TMTC4: variants seen among roughly 807,000 people sequenced by gnomAD.
The protein encoded by TMTC4 is transmembrane O-mannosyltransferase targeting cadherins 4.
In TMTC4, 65 loss-of-function variants were observed where a neutral mutation model predicts 86.0. That is an observed-to-expected ratio of 0.76 (90% CI 0.62 to 0.93). The LOEUF (loss-of-function observed/expected upper bound fraction) is 0.93. TMTC4 is among the 40% of genes least tolerant of loss of function. The probability of loss-of-function intolerance (pLI) is 0.00; values close to 1 mark genes in which losing one functional copy is unlikely to be tolerated. For missense variants in TMTC4, 866 were observed against 948.1 expected, an observed-to-expected ratio of 0.91 and a Z score of 1.14; for synonymous variants, 379 against 382.5, an observed-to-expected ratio of 0.99 and a Z score of 0.11.
intron 6 of TMTC4, among the ~76,000 whole-genome samples, chr13:100,646,264 G>T (rs1883728788): frequency 6.6e-6 from 1 of 152,172 alleles, no homozygotes. Flanking sequence ...ACTAAAAATT[G>T]TTCTGACTAA....
intron 11 of TMTC4, 21 bp from the exon 12 acceptor site, chr13:100,634,957 G>GT: frequency 6.2e-7 from 1 of 1,612,900 alleles, no homozygotes; most frequent in Non-Finnish European, 8.5e-7. Flanking sequence ...GAAAGACATG[G>GT]TAATTGTCAC....
intron 12 of TMTC4, among the ~76,000 whole-genome samples, chr13:100,633,202 G>A (rs1211238947): frequency 1.3e-5 from 2 of 151,092 alleles, no homozygotes; most frequent in Non-Finnish European, 2.9e-5. Context: ...CTAGCTACTC[G>A]GGAGGCTGAG....
Position 100,670,506 on chromosome 13 carries a change from GAATACTGC to G in TMTC4, c.-152_-145del, listed in dbSNP as rs1245812926. 75 of 685,986 alleles carry G rather than the reference GAATACTGC, an allele frequency of 1.1e-4. 1 individual carries two copies. In the South Asian group the frequency reaches 1.4e-3, roughly 13 times the overall value. 42.5% of individuals were successfully genotyped at this position (685,986 alleles called of 1,614,324 possible). On this transcript the variant is annotated 5_prime_UTR_variant, in exon 2 of 19. Coordinates refer to ENST00000342624, the MANE Select transcript of TMTC4 (RefSeq NM_032813.5). ...GGCATGCTCTCAGCAAGTGCTGGGGGAATACTGCAGCTACTTTTCTTTTCCAGTCAAAG... is the reference window on the plus strand; with the variant it reads ...GGCATGCTCTCAGCAAGTGCTGGGGGAGCTACTTTTCTTTTCCAGTCAAAG...
At chr13:100,660,323 T>C (rs1885610472) in intron 5 of TMTC4, among the ~76,000 whole-genome samples, 1 of 122,288 alleles carries the variant, frequency 8.2e-6, no homozygotes, top group Non-Finnish European at 1.7e-5. Context: ...AGAGTGAGAC[T>C]GTGTATCAAA....
chr13:100,626,119 T>A lies in TMTC4; in HGVS notation c.1538A>T (p.Asp513Val). The change falls in exon 13 of 19, where the codon GAT (aspartate) becomes GTT (valine). Residue 513 changes from aspartate to valine, a missense_variant. Physicochemically the swap from Asp to Val is radical, Grantham distance 152. Coordinates refer to ENST00000342624, the MANE Select transcript of TMTC4 (RefSeq NM_032813.5). Reference sequence around the variant, plus strand: ...GATGGCAGCTGTCTGGTTGCCTTTATCAGCCAGGTTTTTGCCAATGTTGTA... The same window carrying A: ...GATGGCAGCTGTCTGGTTGCCTTTAACAGCCAGGTTTTTGCCAATGTTGTA... Reference protein sequence around the residue: ...VHYNIGKNLADKGNQTAAIRY... With the variant: ...VHYNIGKNLAVKGNQTAAIRY... 1 of 1,614,234 alleles carries A rather than the reference T, an allele frequency of 6.2e-7. No individual in the cohort carries two copies. Among genetic ancestry groups the A allele is most frequent in the Non-Finnish European group, 8.5e-7 (1 of 1,180,044 alleles).
intron 6 of TMTC4, among the ~76,000 whole-genome samples, chr13:100,645,565 C>T (rs1385838814): frequency 2.0e-5 from 3 of 150,562 alleles, no homozygotes; most frequent in African/African-American, 7.4e-5. Flanking sequence ...AGGTGAGCCC[C>T]GTGCACCTCT....
chr13:100,621,638 G>A (rs991101560), intron 15 of TMTC4, among the ~76,000 whole-genome samples: 58 of 152,134 alleles, frequency 3.8e-4, no homozygotes, highest in Admixed American at 6.5e-5. Flanking sequence ...TGTTAGCCAG[G>A]ATGGTCTCGA....
At chr13:100,619,328 GACACACAC>G (rs34662519) in intron 15 of TMTC4, among the ~76,000 whole-genome samples, 6,990 of 145,918 alleles carry the variant, frequency 0.048, 168 homozygotes, top group East Asian at 0.065. Flanking sequence ...AATAAAAGCA[GACACACAC>G]ACACACACAC....
rs78352970 is a variant in TMTC4, at chr13:100,621,030, C to T, written c.1836+4505G>A. Among the ~76,000 whole-genome samples, 548 of 152,304 alleles carry T rather than the reference C, an allele frequency of 3.6e-3. 4 individuals carry two copies. The highest frequency in any genetic ancestry group is 0.013 in the African/African-American group (525 of 41,566). On this transcript the variant is annotated intron_variant, in intron 15 of 18. Coordinates refer to ENST00000342624, the MANE Select transcript of TMTC4 (RefSeq NM_032813.5). Reference sequence around the variant, plus strand: ...CAGGAACAGTTGGCGGAATGGAATACAGGAAGACCATTTCACGGCAGTGTA... The same window carrying T: ...CAGGAACAGTTGGCGGAATGGAATATAGGAAGACCATTTCACGGCAGTGTA...
intron 1 of TMTC4, among the ~76,000 whole-genome samples, chr13:100,673,100 G>C (rs745351455): frequency 6.6e-6 from 1 of 152,168 alleles, no homozygotes; most frequent in Non-Finnish European, 1.5e-5. Context: ...CTGGAACAAA[G>C]CAGACGTCCC....
At position 100,663,148 on chromosome 13, in the gene TMTC4, G is replaced by C. The variant is rs1350924448; in HGVS notation, c.368C>G (p.Pro123Arg). Residue 123 changes from proline to arginine, a missense_variant, in exon 5 of 19, where the codon CCC becomes CGC. Physicochemically the swap from Pro to Arg is moderately radical, Grantham distance 103. Coordinates refer to ENST00000342624, the MANE Select transcript of TMTC4 (RefSeq NM_032813.5). ...INYYLSGGFH[P>R]VGFHVVNILL... ...GATGTTGACCACGTGAAAGCCCACG[G>C]GGTGGAAGCCTCCCGAGAGGTAGTA... 6.2e-7 allele frequency: 1 copy of C among 1,614,234 alleles called. No individual in the cohort carries two copies. Among genetic ancestry groups the C allele is most frequent in the Non-Finnish European group, 8.5e-7 (1 of 1,180,044 alleles).
chr13:100,674,760 C>A lies in TMTC4; in HGVS notation c.-224G>T, dbSNP rs1411029003. The A allele has an allele frequency of 1.0e-6, 1 of 983,822 alleles. No individual in the cohort carries two copies. Among genetic ancestry groups the A allele is most frequent in the Admixed American group, 6.2e-5 (1 of 16,122 alleles). 60.9% of individuals were successfully genotyped at this position (983,822 alleles called of 1,614,324 possible). Reference sequence around the variant, plus strand: ...GCGCGTTACCTGCAAGGAGCCTGAGCCCCGGCCGCATCTCCCTCCCGGGTG... The same window carrying A: ...GCGCGTTACCTGCAAGGAGCCTGAGACCCGGCCGCATCTCCCTCCCGGGTG... On this transcript the variant is annotated 5_prime_UTR_variant, in exon 1 of 19. Transcript: ENST00000342624.
At chr13:100,614,958 C>T (rs2138728588) in intron 15 of TMTC4, 1 of 985,080 alleles carries the variant, frequency 1.0e-6, no homozygotes, top group Non-Finnish European at 1.2e-6. Context: ...GGGCCTCTTC[C>T]TGCCTGTGTC....
chr13:100,630,079 G>A (rs1421488021), intron 12 of TMTC4, among the ~76,000 whole-genome samples: 2 of 151,240 alleles, frequency 1.3e-5, no homozygotes, highest in Non-Finnish European at 2.9e-5. Context: ...GTGTGTGTGT[G>A]TGTTTATAGC....
chr13:100,655,739 C>A (rs576366660), intron 6 of TMTC4, among the ~76,000 whole-genome samples: 3 of 152,044 alleles, frequency 2.0e-5, no homozygotes, highest in Admixed American at 6.6e-5. Context: ...ATCAGAAAAC[C>A]GATGAGCGAT....
chr13:100,604,923 G>A lies in TMTC4; in HGVS notation c.*71C>T, dbSNP rs1278270391. 3.4e-6 allele frequency: 5 copies of A among 1,491,906 alleles called. No homozygotes were observed. The African/African-American group carries it at 4.3e-5, about 13-fold the overall frequency. The allele number at this position is 1,491,906 out of a possible 1,614,324, so 92.4% of individuals were successfully genotyped here. On this transcript the variant is annotated 3_prime_UTR_variant, in exon 19 of 19. Coordinates refer to ENST00000342624, the MANE Select transcript of TMTC4 (RefSeq NM_032813.5). Reference sequence around the variant, plus strand: ...GTCTAAGACTTTTAAATGGTTAAATGTAACCACATACTATTAATGATATGC... The same window carrying A: ...GTCTAAGACTTTTAAATGGTTAAATATAACCACATACTATTAATGATATGC...
rs569271527 is a variant in TMTC4, at chr13:100,647,021, G to C, written c.641-4710C>G. Among the ~76,000 whole-genome samples, 6 of 152,256 alleles carry C rather than the reference G, an allele frequency of 3.9e-5. No individual in the cohort carries two copies. In the East Asian group the frequency reaches 7.7e-4, roughly 20 times the overall value. The stretch of plus-strand genomic sequence containing the variant: ...TGGGGAAAGGGACACAAGCTTTAGC[G>C]AGAGAGCACAGCGTCCAGCTTACAA... On this transcript the variant is annotated intron_variant, in intron 6 of 18. Coordinates refer to ENST00000342624, the MANE Select transcript of TMTC4 (RefSeq NM_032813.5).
chr13:100,627,320 G>T (rs919790235), intron 12 of TMTC4, among the ~76,000 whole-genome samples: 1 of 152,220 alleles, frequency 6.6e-6, no homozygotes, highest in Non-Finnish European at 1.5e-5. Flanking sequence ...CTGTAAGTGT[G>T]TGAGTGCCCC....
At chr13:100,642,053 C>T (rs549356313) in intron 7 of TMTC4, among the ~76,000 whole-genome samples, 158 bp downstream of exon 7, 1 of 152,324 alleles carries the variant, frequency 6.6e-6, no homozygotes, top group Non-Finnish European at 1.5e-5. Flanking sequence ...AGAATTGTGA[C>T]AGCGAAAGCC....
Sources: allele counts gnomAD v4.1 joint callset (sites outside exome capture counted in the v4.1 genomes callset), GRCh38; gene constraint gnomAD v4.1.1; transcripts MANE v1.5; gene names NCBI Gene and HGNC (gene_info 2026-07-23, HGNC 2026-07-21).